The following CDH13 variants were observed in gnomAD, a reference collection of about 807,000 sequenced individuals.
CDH13 encodes cadherin 13.
CDH13 carries 24 observed loss-of-function variants against 63.8 expected under a neutral mutation model. The observed-to-expected ratio is 0.38, with a 90% CI of 0.27 to 0.53. The LOEUF (loss-of-function observed/expected upper bound fraction) is 0.53. Ranked by LOEUF, CDH13 falls within the 20% of genes least tolerant of loss-of-function variation. The pLI is 0.85. For synonymous variants in CDH13, 503 were observed against 355.3 expected, an observed-to-expected ratio of 1.42 and a Z score of -4.67; for missense variants, 1,049 against 903.1, an observed-to-expected ratio of 1.16 and a Z score of -2.07.
intron 6 of CDH13, among the ~76,000 whole-genome samples, chr16:83,464,536 T>G (rs2073260779): frequency 6.6e-6 from 1 of 151,966 alleles, no homozygotes; most frequent in African/African-American, 2.4e-5. Context: ...AATTTTGTAG[T>G]TTTAGTAGAG....
chr16:83,002,425 C>G (rs1361054033), intron 2 of CDH13, among the ~76,000 whole-genome samples: 3 of 152,116 alleles, frequency 2.0e-5, no homozygotes, highest in Admixed American at 6.5e-5. Context: ...GAAGTGTGGT[C>G]CCATCAACAT....
intron 5 of CDH13, among the ~76,000 whole-genome samples, chr16:83,251,993 G>T (rs1280338141): frequency 6.6e-6 from 1 of 151,404 alleles, no homozygotes; most frequent in East Asian, 1.9e-4. Context: ...GTCCTGTATT[G>T]ACTGATCCCC....
intron 3 of CDH13, among the ~76,000 whole-genome samples, chr16:83,099,163 T>A (rs756314183): frequency 1.1e-3 from 162 of 152,264 alleles, no homozygotes; most frequent in Non-Finnish European, 2.0e-3. Context: ...CTAACATATT[T>A]AATATGTTGC....
chr16:83,672,523 C>G (rs1322823541), intron 9 of CDH13, among the ~76,000 whole-genome samples: 4 of 134,348 alleles, frequency 3.0e-5, no homozygotes, highest in African/African-American at 8.3e-5. Context: ...CTCCTGGGTT[C>G]AAGTGATTCT....
chr16:82,872,844 C>G (rs1236320465), intron 2 of CDH13, among the ~76,000 whole-genome samples: 1 of 152,180 alleles, frequency 6.6e-6, no homozygotes, highest in East Asian at 1.9e-4. Flanking sequence ...TGAATGATCA[C>G]CTAGTTTTTG....
intron 1 of CDH13, among the ~76,000 whole-genome samples, chr16:82,715,187 C>A (rs905746251): frequency 6.6e-6 from 1 of 151,408 alleles, no homozygotes; most frequent in Non-Finnish European, 1.5e-5. Context: ...CACATTAAGC[C>A]AGGATATGGC....
chr16:82,860,566 T>C (rs2039903432), intron 2 of CDH13, among the ~76,000 whole-genome samples: 2 of 152,036 alleles, frequency 1.3e-5, no homozygotes, highest in African/African-American at 2.4e-5. Context: ...TTTTTATGCT[T>C]GTATATGAGT....
At chr16:83,399,491 A>G (rs1209956580) in intron 6 of CDH13, among the ~76,000 whole-genome samples, 7 of 152,090 alleles carry the variant, frequency 4.6e-5, no homozygotes, top group Non-Finnish European at 8.8e-5. Context: ...TGTGACCACT[A>G]TGTCTCTCTC....
intron 2 of CDH13, among the ~76,000 whole-genome samples, chr16:82,916,208 G>A (rs1396562861): frequency 2.0e-5 from 3 of 152,062 alleles, no homozygotes; most frequent in African/African-American, 2.4e-5. Flanking sequence ...TATGGGCTGC[G>A]GAAATAGGTT....
intron 4 of CDH13, among the ~76,000 whole-genome samples, chr16:83,197,817 TTCACAC>T (rs899913613): frequency 1.8e-5 from 1 of 55,374 alleles, no homozygotes; most frequent in Non-Finnish European, 3.6e-5. Flanking sequence ...CTCTGACACA[TTCACAC>T]ACACACACAC....
In CDH13 at chr16:83,183,739, C is replaced by T. The variant is rs374860792; in HGVS notation, c.484-33606C>T. Among the ~76,000 whole-genome samples the T allele has an allele frequency of 6.6e-5, 10 of 152,226 alleles. No homozygotes were observed. In the East Asian group the frequency reaches 1.2e-3, roughly 18 times the overall value. The stretch of plus-strand genomic sequence containing the variant: ...GCTTTATATGGAAGTCTTGGAAAAG[C>T]GAGTGGTAGTCTAGTCTCAGACATC... On this transcript the variant is annotated intron_variant, in intron 4 of 13. Transcript: ENST00000567109.
chr16:83,742,245 G>C (rs412821), intron 10 of CDH13, among the ~76,000 whole-genome samples: 112,966 of 152,034 alleles, frequency 0.74, 42,573 homozygotes, highest in Middle Eastern at 0.82. Context: ...GAGTGAGCCC[G>C]CCTTCCAGGG....
At chr16:83,580,041 A>G (rs1056320996) in intron 7 of CDH13, among the ~76,000 whole-genome samples, 3 of 152,136 alleles carry the variant, frequency 2.0e-5, no homozygotes, top group African/African-American at 7.2e-5. Context: ...CCAGGAATTA[A>G]GTACTGCTGA....
intron 4 of CDH13, among the ~76,000 whole-genome samples, chr16:83,216,082 C>G (rs2039498655): frequency 1.3e-5 from 2 of 151,738 alleles, no homozygotes; most frequent in Non-Finnish European, 2.9e-5. Flanking sequence ...TTTCCAGACT[C>G]TTCCTTGTCT....
At chr16:82,712,870 C>G (rs926086253) in intron 1 of CDH13, among the ~76,000 whole-genome samples, 7 of 152,140 alleles carry the variant, frequency 4.6e-5, no homozygotes, top group Admixed American at 2.6e-4. Context: ...TCTCCGCTCT[C>G]TGGGGGCCAC....
At chr16:82,977,505 G>A (rs1909682059) in intron 2 of CDH13, among the ~76,000 whole-genome samples, 1 of 152,040 alleles carries the variant, frequency 6.6e-6, no homozygotes, top group African/African-American at 2.4e-5. Flanking sequence ...GTTTTATATG[G>A]GGCTTTTCCC....
At chr16:83,792,038 T>C (rs1916308406) in intron 13 of CDH13, among the ~76,000 whole-genome samples, 1 of 152,232 alleles carries the variant, frequency 6.6e-6, no homozygotes, top group Non-Finnish European at 1.5e-5. Context: ...ATTGATCTGC[T>C]TTCTCTAATA....
At chr16:83,331,815 G>C (rs1991058) in intron 5 of CDH13, among the ~76,000 whole-genome samples, 147,380 of 152,284 alleles carry the variant, frequency 0.97, 71,473 homozygotes, top group Non-Finnish European at 1. Flanking sequence ...ATGCAGTGTT[G>C]TACTTTCTGC....
chr16:83,312,247 G>A (rs544905973), intron 5 of CDH13, among the ~76,000 whole-genome samples: 100 of 152,082 alleles, frequency 6.6e-4, no homozygotes, highest in Non-Finnish European at 1.2e-3. Flanking sequence ...ATACAGATGC[G>A]GACCAGCTCA....
Sources: allele counts gnomAD v4.1 joint callset (sites outside exome capture counted in the v4.1 genomes callset), GRCh38; gene constraint gnomAD v4.1.1; transcripts MANE v1.5; gene names NCBI Gene and HGNC (gene_info 2026-07-23, HGNC 2026-07-21).